Variants in RARB observed in about 807,000 individuals in gnomAD.
RARB encodes retinoic acid receptor beta, also known as HBV-activated protein.
A neutral mutation model predicts 51.9 loss-of-function variants in RARB; 17 were observed. That is an observed-to-expected ratio of 0.33 (90% CI 0.22 to 0.49). The LOEUF (loss-of-function observed/expected upper bound fraction) is 0.49. RARB is among the 20% of genes least tolerant of loss of function. The pLI, the probability that RARB is intolerant of heterozygous loss-of-function variation, is 0.99. For missense variants in RARB, 369 were observed against 550.8 expected (o/e 0.67, Z 3.30); for synonymous variants, 215 against 195.4 (o/e 1.10, Z -0.84).
chr3:25,533,945 T>G (rs920985659), intron 3 of RARB, among the ~76,000 whole-genome samples: 3 of 152,172 alleles, frequency 2.0e-5, no homozygotes, highest in African/African-American at 7.2e-5. Context: ...TGTTGAAACT[T>G]TCAGTGCTCT....
chr3:25,440,147 T>A (rs1708601499), intron 1 of RARB, among the ~76,000 whole-genome samples: 1 of 152,186 alleles, frequency 6.6e-6, no homozygotes, highest in Non-Finnish European at 1.5e-5. Flanking sequence ...ATATACATAG[T>A]TGTCAATAAG....
At chr3:25,228,390 A>G (rs1051775880) in intron 5 of RARB, among the ~76,000 whole-genome samples, 4 of 151,846 alleles carry the variant, frequency 2.6e-5, no homozygotes, top group African/African-American at 9.7e-5. Context: ...AGCAGTATCC[A>G]TTCTACTCCC....
In RARB at chr3:25,566,018, C is replaced by G. The variant is rs114517935; in HGVS notation, c.449-3740C>G. On this transcript the variant is annotated intron_variant, in intron 3 of 7. Transcript: ENST00000330688. ...TGCTGGCCTCCAGGGGAACGAGTCCCTGCACTGCCCCAGGAGCCACTGACC... is the reference window on the plus strand; with the variant it reads ...TGCTGGCCTCCAGGGGAACGAGTCCGTGCACTGCCCCAGGAGCCACTGACC... Among the ~76,000 whole-genome samples, 491 of 152,280 alleles carry G rather than the reference C, an allele frequency of 3.2e-3. 2 individuals are homozygous for G. The highest frequency in any genetic ancestry group is 0.011 in the African/African-American group (465 of 41,548).
At chr3:25,211,896 C>T (rs12108120) in intron 5 of RARB, among the ~76,000 whole-genome samples, 21,111 of 152,190 alleles carry the variant, frequency 0.14, 1,614 homozygotes, top group Non-Finnish European at 0.17. Flanking sequence ...TTCTTTTTCT[C>T]TTCTTTCGAT....
intron 3 of RARB, among the ~76,000 whole-genome samples, chr3:25,109,430 T>A (rs1284338814): frequency 1.3e-5 from 2 of 152,162 alleles, no homozygotes; most frequent in South Asian, 2.1e-4. Context: ...TCAAATATGA[T>A]AATAAGTAGT....
chr3:25,504,452 G>A (rs1697470275), intron 3 of RARB, among the ~76,000 whole-genome samples: 1 of 152,172 alleles, frequency 6.6e-6, no homozygotes, highest in African/African-American at 2.4e-5. Context: ...GCTTTGGGCA[G>A]GGGATAGAAT....
At chr3:25,339,213 G>C (rs1430068511) in intron 5 of RARB, among the ~76,000 whole-genome samples, 1 of 152,176 alleles carries the variant, frequency 6.6e-6, no homozygotes, top group Non-Finnish European at 1.5e-5. Flanking sequence ...GCTAAATGAA[G>C]TTTAGCCTAA....
At chr3:25,210,304 A>G (rs776984659) in intron 5 of RARB, among the ~76,000 whole-genome samples, 2 of 151,968 alleles carry the variant, frequency 1.3e-5, no homozygotes, top group Non-Finnish European at 2.9e-5. Flanking sequence ...TGCTAGGCAT[A>G]TAAATAAAAT....
At position 25,428,573 on chromosome 3, in the gene RARB, T is replaced by G; in HGVS notation, c.-159T>G. 1 of 1,337,532 alleles carries G rather than the reference T, an allele frequency of 7.5e-7. No individual in the cohort carries two copies. Among genetic ancestry groups the G allele is most frequent in the Non-Finnish European group, 9.6e-7 (1 of 1,039,930 alleles). 82.9% of individuals were successfully genotyped at this position (1,337,532 alleles called of 1,614,324 possible). A position where few individuals can be genotyped will look rare whatever the true frequency, so the allele number is the denominator to read the frequency against. ...ATCAATTACAGGCTTTTAGCTGGCT[T>G]GTCTGTCATAATTCATGATTCGGGG... On this transcript the variant is annotated 5_prime_UTR_variant, in exon 1 of 8. Transcript: ENST00000330688.
At chr3:25,111,667 C>T (rs1575165463) in intron 3 of RARB, among the ~76,000 whole-genome samples, 1 of 151,186 alleles carries the variant, frequency 6.6e-6, no homozygotes, top group Non-Finnish European at 1.5e-5. Flanking sequence ...CAACCTCCGC[C>T]TCCTGGGTTC....
At chr3:25,398,484 T>C (rs936315359) in intron 5 of RARB, among the ~76,000 whole-genome samples, 2 of 152,212 alleles carry the variant, frequency 1.3e-5, no homozygotes, top group Non-Finnish European at 2.9e-5. Context: ...ATTGGCACTG[T>C]TAATCATATT....
chr3:25,027,616 G>GAA (rs1553624795), intron 2 of RARB, among the ~76,000 whole-genome samples: 1 of 83,736 alleles, frequency 1.2e-5, no homozygotes, highest in African/African-American at 4.1e-5. Flanking sequence ...TTATGGAAAG[G>GAA]AAAAAAAAAC....
At chr3:25,307,271 C>T (rs1040879844) in intron 5 of RARB, among the ~76,000 whole-genome samples, 3 of 151,946 alleles carry the variant, frequency 2.0e-5, no homozygotes, top group African/African-American at 7.3e-5. Context: ...CCTGTAATCT[C>T]AGCTGCCCAG....
intron 2 of RARB, among the ~76,000 whole-genome samples, chr3:24,905,972 A>G (rs1200664495): frequency 6.6e-6 from 1 of 152,220 alleles, no homozygotes; most frequent in Admixed American, 6.5e-5. Flanking sequence ...ACTCTTTGAT[A>G]TTGACTTTTT....
chr3:25,510,815 C>A (rs546177617), intron 3 of RARB, among the ~76,000 whole-genome samples: 2 of 152,228 alleles, frequency 1.3e-5, no homozygotes, highest in South Asian at 4.2e-4. Flanking sequence ...CTTTTTATTA[C>A]CAATGAGAAA....
chr3:24,882,561 G>A (rs1279877007), intron 2 of RARB, among the ~76,000 whole-genome samples: 2 of 152,170 alleles, frequency 1.3e-5, no homozygotes, highest in Non-Finnish European at 2.9e-5. Context: ...TAATTTTATT[G>A]TCATCTATGG....
intron 5 of RARB, among the ~76,000 whole-genome samples, chr3:25,202,135 A>G (rs930530793): frequency 4.6e-5 from 7 of 152,098 alleles, no homozygotes; most frequent in African/African-American, 1.7e-4. Context: ...CTATTCAGAG[A>G]TTCAACTTCT....
At chr3:25,315,285 C>G (rs974422315) in intron 5 of RARB, among the ~76,000 whole-genome samples, 10 of 152,182 alleles carry the variant, frequency 6.6e-5, no homozygotes, top group Non-Finnish European at 1.5e-4. Context: ...TAACCAGTCC[C>G]TAGATAGGGG....
intron 2 of RARB, among the ~76,000 whole-genome samples, chr3:24,996,862 T>C (rs1400195672): frequency 1.3e-5 from 2 of 152,088 alleles, no homozygotes; most frequent in Non-Finnish European, 2.9e-5. Context: ...TAGAGACTTG[T>C]TTTGTGTGCT....
Sources: allele counts gnomAD v4.1 joint callset (sites outside exome capture counted in the v4.1 genomes callset), GRCh38; gene constraint gnomAD v4.1.1; transcripts MANE v1.5; gene names NCBI Gene and HGNC (gene_info 2026-07-23, HGNC 2026-07-21).